Variants in NUDT6 observed in about 807,000 individuals in gnomAD.
The protein encoded by NUDT6 is nudix hydrolase 6.
A neutral mutation model predicts 36.8 loss-of-function variants in NUDT6; 24 were observed. That is an observed-to-expected ratio of 0.65 (90% CI 0.47 to 0.92). The LOEUF is 0.92. NUDT6 is among the 40% of genes least tolerant of loss of function. The pLI is 0.00. For missense variants in NUDT6, 388 were observed against 392.8 expected (o/e 0.99, Z 0.10); for synonymous variants, 163 against 157.0 (o/e 1.04, Z -0.29).
intron 2 of NUDT6, among the ~76,000 whole-genome samples, chr4:122,916,402 T>C (rs1187760489): frequency 6.6e-6 from 1 of 152,190 alleles, no homozygotes; most frequent in African/African-American, 2.4e-5. Context: ...ATAATGTAAA[T>C]ATTATTAAGA....
intron 4 of NUDT6, 133 bp downstream of exon 4, chr4:122,897,491 T>C (rs1224376753): frequency 4.4e-6 from 3 of 688,224 alleles, no homozygotes; most frequent in Non-Finnish European, 7.8e-6. Context: ...TCTGAGGTAA[T>C]TTCTGAAATG....
At chr4:122,918,760 T>A (rs2150810896) in intron 1 of NUDT6, 1 of 152,330 alleles carries the variant, frequency 6.6e-6, no homozygotes, top group Admixed American at 6.5e-5. Flanking sequence ...CTGATTTGAG[T>A]TAGCATGCAG....
At position 122,912,753 on chromosome 4, in the gene NUDT6, G is replaced by C. The variant is rs539520210; in HGVS notation, c.443-130C>G. The stretch of plus-strand genomic sequence containing the variant: ...AAGCCTTGGTTCAAATACAGGTTGA[G>C]TATTCCTTATCTAAAATGTTTCAGA... On this transcript the variant is annotated intron_variant, in intron 2 of 4. Transcript: ENST00000304430. The C allele has an allele frequency of 9.6e-6, 6 of 623,964 alleles. 1 individual carries two copies. In the South Asian group the frequency reaches 1.2e-4, roughly 13 times the overall value. 38.7% of individuals were successfully genotyped at this position (623,964 alleles called of 1,614,324 possible). A position where few individuals can be genotyped will look rare whatever the true frequency, so the allele number is the denominator to read the frequency against.
At chr4:122,902,558 A>G (rs1727545992) in intron 3 of NUDT6, among the ~76,000 whole-genome samples, 1 of 152,168 alleles carries the variant, frequency 6.6e-6, no homozygotes, top group Non-Finnish European at 1.5e-5. Flanking sequence ...TTTGTATCTT[A>G]TGCATTTGAA....
Position 122,922,323 on chromosome 4 carries a change from A to T in NUDT6, c.238+12T>A. ...TGGAGCCCCGGGAGCCCTTCGTCCCAGGCGCACTTGCCCTGCAAGCCCTTC... is the reference window on the plus strand; with the variant it reads ...TGGAGCCCCGGGAGCCCTTCGTCCCTGGCGCACTTGCCCTGCAAGCCCTTC... On this transcript the variant is annotated intron_variant, in intron 1 of 4. Coordinates refer to ENST00000304430, the MANE Select transcript of NUDT6 (RefSeq NM_007083.5). 1 of 1,593,538 alleles carries T rather than the reference A, an allele frequency of 6.3e-7. No homozygotes were observed. The highest frequency in any genetic ancestry group is 8.5e-7 in the Non-Finnish European group (1 of 1,175,992).
At chr4:122,907,449 C>CT (rs374300011) in intron 3 of NUDT6, among the ~76,000 whole-genome samples, 80,944 of 125,134 alleles carry the variant, frequency 0.65, 27,897 homozygotes, top group East Asian at 0.82. Flanking sequence ...TCTTTACTTT[C>CT]TTTTTTTTTT....
chr4:122,910,316 C>T (rs1234073543), intron 3 of NUDT6, among the ~76,000 whole-genome samples: 1 of 152,152 alleles, frequency 6.6e-6, no homozygotes, highest in Non-Finnish European at 1.5e-5. Flanking sequence ...AAACATAAAG[C>T]TGTCTAGGTT....
At chr4:122,903,687 TGGA>T (rs1354318990) in intron 3 of NUDT6, among the ~76,000 whole-genome samples, 1 of 152,196 alleles carries the variant, frequency 6.6e-6, no homozygotes, top group African/African-American at 2.4e-5. Context: ...ACTGCAAGGC[TGGA>T]GGAGGAAGGG....
At chr4:122,899,044 A>AATTTTTTTTT (rs550689318) in intron 3 of NUDT6, among the ~76,000 whole-genome samples, 7 of 69,430 alleles carry the variant, frequency 1.0e-4, no homozygotes, top group Non-Finnish European at 1.8e-4. Context: ...ACCACACCTA[A>AATTTTTTTTT]TTTTTTTTTT....
At chr4:122,903,537 G>A (rs2067325464) in intron 3 of NUDT6, among the ~76,000 whole-genome samples, 1 of 152,152 alleles carries the variant, frequency 6.6e-6, no homozygotes, top group South Asian at 2.1e-4. Context: ...CTGAGAATTT[G>A]CATTTTTAAT....
intron 3 of NUDT6, among the ~76,000 whole-genome samples, chr4:122,900,571 T>C (rs936593721): frequency 5.3e-5 from 8 of 151,410 alleles, no homozygotes; most frequent in African/African-American, 1.7e-4. Flanking sequence ...GTCACACATC[T>C]AGTATGTGAT....
At chr4:122,898,877 C>G (rs1030074617) in intron 3 of NUDT6, among the ~76,000 whole-genome samples, 2 of 151,940 alleles carry the variant, frequency 1.3e-5, no homozygotes, top group African/African-American at 4.8e-5. Context: ...AACTTTACCA[C>G]CATAAATTCC....
At position 122,892,797 on chromosome 4, in the gene NUDT6, T is replaced by A. The variant is rs1178299478; in HGVS notation, c.*31A>T. The A allele has an allele frequency of 2.0e-6, 3 of 1,516,896 alleles. No individual in the cohort carries two copies. The highest frequency in any genetic ancestry group is 2.7e-6 in the Non-Finnish European group (3 of 1,116,672). 94.0% of individuals were successfully genotyped at this position (1,516,896 alleles called of 1,614,324 possible). ...CACTATTTCTTATGTCATTCGTTAG[T>A]CTACATGTTTCTAAACATATAAATG... On this transcript the variant is annotated 3_prime_UTR_variant, in exon 5 of 5. Transcript: ENST00000304430.
chr4:122,893,346 A>G (rs112392401), intron 4 of NUDT6, 121 bp from the exon 5 acceptor site: 5 of 898,086 alleles, frequency 5.6e-6, no homozygotes, highest in African/African-American at 3.4e-5. Context: ...AACAAAGTAA[A>G]GTTTTCAATA....
At chr4:122,922,025 G>C (rs747899489) in intron 1 of NUDT6, 4 of 335,402 alleles carry the variant, frequency 1.2e-5, no homozygotes, top group Admixed American at 4.8e-5. Flanking sequence ...TCTTATCACC[G>C]GGGTCTGTGG....
intron 2 of NUDT6, 116 bp from the exon 3 acceptor site, chr4:122,912,739 C>CA (rs1727755949): frequency 3.0e-6 from 2 of 662,074 alleles, no homozygotes; most frequent in South Asian, 3.7e-5. Context: ...AGCCTTGGTT[C>CA]AAATACAGGT....
chr4:122,917,134 C>T (rs896063640), intron 2 of NUDT6, among the ~76,000 whole-genome samples: 7 of 152,098 alleles, frequency 4.6e-5, no homozygotes, highest in African/African-American at 1.7e-4. Context: ...AGGGTGAATA[C>T]AAAACAATAT....
At chr4:122,893,369 CT>C (rs1175447772) in intron 4 of NUDT6, 144 bp from the exon 5 acceptor site, 2 of 698,942 alleles carry the variant, frequency 2.9e-6, no homozygotes, top group Non-Finnish European at 4.3e-6. Flanking sequence ...AATTCTTTGC[CT>C]TGTGGATATC....
intron 2 of NUDT6, among the ~76,000 whole-genome samples, chr4:122,915,469 C>CAAAAAAAAAA (rs61032259): frequency 3.5e-4 from 15 of 42,266 alleles, no homozygotes; most frequent in African/African-American, 1.0e-3. Flanking sequence ...GACCCTGCCT[C>CAAAAAAAAAA]AAAAAAAAAA....
Sources: gnomAD v4.1 joint callset for allele counts (sites outside exome capture counted in the v4.1 genomes callset) on GRCh38, gnomAD v4.1.1 for gene constraint, MANE v1.5 for transcripts, NCBI Gene and HGNC (gene_info 2026-07-23, HGNC 2026-07-21) for gene names.